Variants in PPP4R3A observed in about 807,000 individuals in gnomAD.
PPP4R3A encodes protein phosphatase 4 regulatory subunit 3A, also known as serine/threonine-protein phosphatase 4 regulatory subunit 3A.
Under a neutral mutation model 91.7 loss-of-function variants are expected in PPP4R3A, and 15 were observed. The ratio of observed to expected loss-of-function variants is 0.16; its 90% confidence interval spans 0.11 to 0.25. PPP4R3A has a LOEUF of 0.25. Among genes scored for constraint, PPP4R3A ranks in the 10% least tolerant of loss-of-function variants. PPP4R3A has a pLI of 1.00. For synonymous variants in PPP4R3A, 377 were observed against 348.7 expected (o/e 1.08, Z -0.91); for missense variants, 623 against 998.4 (o/e 0.62, Z 5.07).
intron 3 of PPP4R3A, among the ~76,000 whole-genome samples, chr14:91,484,842 T>C (rs1889787936): frequency 6.6e-6 from 1 of 152,130 alleles, no homozygotes; most frequent in African/African-American, 2.4e-5. Context: ...AGAAATGGCC[T>C]AAGAAGTGTA....
rs2140114976 is a variant in PPP4R3A at position 91,482,149 on chromosome 14, C to T, written c.342G>A (p.Val114=). The change falls in exon 4 of 15, where the codon GTG becomes GTA. Residue 114 remains valine (V), a synonymous_variant. Transcript: ENST00000554943. ...CAAAACGCTCCTCTTCAGATTCATC[C>T]ACAAGGTCCTGAGTGATGTCCACGG... ...DPSVDITQDL[V]DESEEERFDD... is the part of the protein sequence containing the mutation. 6.2e-7 allele frequency: 1 copy of T among 1,614,004 alleles called. No homozygotes were observed. Among genetic ancestry groups the T allele is most frequent in the East Asian group, 2.2e-5 (1 of 44,876 alleles).
intron 1 of PPP4R3A, among the ~76,000 whole-genome samples, chr14:91,498,477 T>C (rs1390135100): frequency 1.3e-5 from 2 of 152,342 alleles, no homozygotes; most frequent in South Asian, 2.1e-4. Flanking sequence ...ATTTCTAATA[T>C]GGTAAATATT....
rs983955146 is a variant in PPP4R3A at position 91,472,900 on chromosome 14, A to T, written c.1501+133T>A. On this transcript the variant is annotated intron_variant, in intron 9 of 14. Transcript: ENST00000554943. Reference sequence around the variant, plus strand: ...CTGATGGTTTGAACTTTTAAAGACTACTACTTTTTAAAAGGTGTGTCCTCC... The same window carrying T: ...CTGATGGTTTGAACTTTTAAAGACTTCTACTTTTTAAAAGGTGTGTCCTCC... 6.5e-5 allele frequency: 48 copies of T among 736,112 alleles called. No homozygotes were observed. In the East Asian group the frequency reaches 1.2e-3, roughly 19 times the overall value. 45.6% of individuals were successfully genotyped at this position (736,112 alleles called of 1,614,324 possible).
intron 2 of PPP4R3A, among the ~76,000 whole-genome samples, chr14:91,488,646 T>C (rs10147482): frequency 0.88 from 133,441 of 152,190 alleles, 58,746 homozygotes; most frequent in East Asian, 0.96. Flanking sequence ...CAAGGTTATC[T>C]GCTCAGTAAA....
chr14:91,482,814 C>T (rs1030453090), intron 3 of PPP4R3A, among the ~76,000 whole-genome samples: 8 of 152,130 alleles, frequency 5.3e-5, no homozygotes, highest in Non-Finnish European at 7.3e-5. Flanking sequence ...TCTATAAATA[C>T]TGACAGCCCA....
intron 8 of PPP4R3A, 36 bp downstream of exon 8, chr14:91,473,203 T>C: frequency 6.2e-7 from 1 of 1,612,432 alleles, no homozygotes. Context: ...CACAATATAC[T>C]AGCTATGAAA....
intron 2 of PPP4R3A, among the ~76,000 whole-genome samples, chr14:91,490,036 TTAAC>T (rs2140132790): frequency 6.6e-6 from 1 of 152,356 alleles, no homozygotes; most frequent in Non-Finnish European, 1.5e-5. Context: ...TTCTTCTCAA[TTAAC>T]TATTTTGTAT....
In PPP4R3A at chr14:91,509,838, G is replaced by T; in HGVS notation, c.-191C>A. On this transcript the variant is annotated 5_prime_UTR_variant, in exon 1 of 15. Coordinates refer to ENST00000554943, the MANE Select transcript of PPP4R3A (RefSeq NM_001366432.2). ...TCCAGGGACCGAGCTCTGGGCCGCC[G>T]CCTTTCCTCGCCTCCGGCTCCCCGG... 1 of 1,167,954 alleles carries T rather than the reference G, an allele frequency of 8.6e-7. No homozygotes were observed. Among genetic ancestry groups the T allele is most frequent in the Non-Finnish European group, 1.1e-6 (1 of 949,630 alleles). The allele number at this position is 1,167,954 out of a possible 1,614,324, so 72.3% of individuals were successfully genotyped here. A position where few individuals can be genotyped will look rare whatever the true frequency, so the allele number is the denominator to read the frequency against.
chr14:91,500,248 T>C (rs899807571), intron 1 of PPP4R3A, among the ~76,000 whole-genome samples: 1 of 152,104 alleles, frequency 6.6e-6, no homozygotes, highest in Non-Finnish European at 1.5e-5. Context: ...CTTGTCAGGC[T>C]GGAGTGCGGT....
intron 1 of PPP4R3A, among the ~76,000 whole-genome samples, chr14:91,498,202 G>C (rs1890704089): frequency 6.6e-6 from 1 of 152,076 alleles, no homozygotes; most frequent in South Asian, 2.1e-4. Flanking sequence ...GGGTGTGGTG[G>C]TGCATGCCTG....
chr14:91,473,788 T>C (rs1888993908), intron 7 of PPP4R3A, among the ~76,000 whole-genome samples: 1 of 152,242 alleles, frequency 6.6e-6, no homozygotes, highest in African/African-American at 2.4e-5. Flanking sequence ...TTTATTTTTT[T>C]GAGACGGAGT....
intron 11 of PPP4R3A, among the ~76,000 whole-genome samples, chr14:91,464,733 T>G (rs1240840023): frequency 6.6e-6 from 1 of 152,208 alleles, no homozygotes; most frequent in Non-Finnish European, 1.5e-5. Context: ...CAAATGCTTA[T>G]CTGTCAAGTG....
intron 1 of PPP4R3A, among the ~76,000 whole-genome samples, chr14:91,495,904 G>A (rs1299436782): frequency 6.9e-6 from 1 of 145,326 alleles, no homozygotes; most frequent in Non-Finnish European, 1.5e-5. Flanking sequence ...AGGCAACAGA[G>A]CAAGACCCAG....
chr14:91,466,128 ACTT>A (rs777472806), intron 10 of PPP4R3A: 5 of 520,380 alleles, frequency 9.6e-6, no homozygotes, highest in Non-Finnish European at 1.2e-5. Flanking sequence ...ATGGGGAGTT[ACTT>A]AAGTCACCAT....
chr14:91,460,668 T>C lies in PPP4R3A; in HGVS notation c.2391+713A>G, dbSNP rs1239930605. On this transcript the variant is annotated intron_variant, in intron 14 of 14. Transcript: ENST00000554943. ...TTTTTTTTTTTTTTGAGATGGAGTC[T>C]CGCTGTTGCAGTAGCGATCTCAGCT... 9.0e-5 allele frequency among the ~76,000 whole-genome samples: 12 copies of C among 133,356 alleles called. No homozygotes were observed. In the Admixed American group the frequency reaches 1.0e-3, roughly 12 times the overall value. The allele number at this position is 133,356 out of a possible 152,430, so 87.5% of individuals were successfully genotyped here. A position where few individuals can be genotyped will look rare whatever the true frequency, so the allele number is the denominator to read the frequency against.
chr14:91,484,422 A>G (rs1028003179), intron 3 of PPP4R3A, among the ~76,000 whole-genome samples: 4 of 152,190 alleles, frequency 2.6e-5, no homozygotes, highest in Non-Finnish European at 5.9e-5. Flanking sequence ...TTTGTAAATA[A>G]AAGTTTTACT....
At chr14:91,485,399 AAG>A (rs758223191) in intron 3 of PPP4R3A, among the ~76,000 whole-genome samples, 1 of 152,192 alleles carries the variant, frequency 6.6e-6, no homozygotes, top group Non-Finnish European at 1.5e-5. Flanking sequence ...TGAACATGAA[AAG>A]AGAAAGTTTC....
chr14:91,480,493 T>A (rs1444296280), intron 4 of PPP4R3A, among the ~76,000 whole-genome samples: 1 of 152,234 alleles, frequency 6.6e-6, no homozygotes, highest in East Asian at 1.9e-4. Context: ...CTACATTCCC[T>A]AGACCCTGAA....
chr14:91,491,931 T>C (rs2140137113), intron 1 of PPP4R3A, among the ~76,000 whole-genome samples: 1 of 151,006 alleles, frequency 6.6e-6, no homozygotes, highest in East Asian at 2.0e-4. Flanking sequence ...GGCTGGTCTC[T>C]GGGCTCAAAC....
Sources: gnomAD v4.1 joint callset for allele counts (sites outside exome capture counted in the v4.1 genomes callset) on GRCh38, gnomAD v4.1.1 for gene constraint, MANE v1.5 for transcripts, NCBI Gene and HGNC (gene_info 2026-07-23, HGNC 2026-07-21) for gene names.